The following ARHGAP15 variants were observed in gnomAD, a reference collection of about 807,000 sequenced individuals.
ARHGAP15 encodes Rho GTPase activating protein 15.
Under a neutral mutation model 63.7 loss-of-function variants are expected in ARHGAP15, and 51 were observed. That is an observed-to-expected ratio of 0.80 (90% CI 0.64 to 1.01). The LOEUF is 1.01. Among genes scored for constraint, ARHGAP15 ranks in the 50% least tolerant of loss-of-function variants. The pLI is 0.00. For synonymous variants in ARHGAP15, 191 were observed against 193.8 expected (o/e 0.99, Z 0.12); for missense variants, 560 against 564.6 (o/e 0.99, Z 0.08).
chr2:143,424,031 G>A (rs1026043599), intron 6 of ARHGAP15, among the ~76,000 whole-genome samples: 13 of 152,086 alleles, frequency 8.5e-5, no homozygotes, highest in African/African-American at 2.7e-4. Flanking sequence ...CTTTTAAGTG[G>A]CATGTGACAG....
At chr2:143,294,219 G>A (rs969593505) in intron 6 of ARHGAP15, among the ~76,000 whole-genome samples, 4 of 151,968 alleles carry the variant, frequency 2.6e-5, no homozygotes, top group African/African-American at 7.2e-5. Flanking sequence ...TTATGCAAGC[G>A]TAACCTAATG....
chr2:143,456,627 ATGTT>A (rs1170128326), intron 8 of ARHGAP15, among the ~76,000 whole-genome samples: 1 of 151,870 alleles, frequency 6.6e-6, no homozygotes, highest in Non-Finnish European at 1.5e-5. Context: ...AGACAGTTAT[ATGTT>A]AATAATTTTA....
At chr2:143,631,495 A>C (rs2731563) in intron 12 of ARHGAP15, among the ~76,000 whole-genome samples, 29,909 of 152,010 alleles carry the variant, frequency 0.2, 3,095 homozygotes, top group South Asian at 0.26. Context: ...TGGTGTGGTC[A>C]GTGTTTTTAA....
intron 12 of ARHGAP15, among the ~76,000 whole-genome samples, chr2:143,662,241 C>T (rs911163655): frequency 1.3e-5 from 2 of 151,896 alleles, no homozygotes; most frequent in Admixed American, 6.6e-5. Flanking sequence ...ACTGCCTCCT[C>T]AAGTGGGTCC....
At chr2:143,528,166 T>C (rs994069700) in intron 10 of ARHGAP15, among the ~76,000 whole-genome samples, 1 of 152,112 alleles carries the variant, frequency 6.6e-6, no homozygotes, top group African/African-American at 2.4e-5. Flanking sequence ...TTAGGCATTG[T>C]TTCAATTCCA....
chr2:143,171,921 C>A (rs1458028683), intron 2 of ARHGAP15: 1 of 152,046 alleles, frequency 6.6e-6, no homozygotes, highest in Non-Finnish European at 1.5e-5. Flanking sequence ...AACACATTAT[C>A]AAAGACACAG....
At chr2:143,362,190 C>A (rs1686088991) in intron 6 of ARHGAP15, among the ~76,000 whole-genome samples, 1 of 152,084 alleles carries the variant, frequency 6.6e-6, no homozygotes, top group African/African-American at 2.4e-5. Flanking sequence ...CCTATAATAC[C>A]CTGAATTATC....
intron 6 of ARHGAP15, among the ~76,000 whole-genome samples, chr2:143,287,817 G>GA: frequency 6.6e-6 from 1 of 152,086 alleles, no homozygotes; most frequent in Non-Finnish European, 1.5e-5. Context: ...AAAAGAAAAA[G>GA]AAAAAAAGAA....
At chr2:143,299,055 C>G (rs933949057) in intron 6 of ARHGAP15, among the ~76,000 whole-genome samples, 1 of 151,856 alleles carries the variant, frequency 6.6e-6, no homozygotes, top group African/African-American at 2.4e-5. Context: ...GTTTCCAGCA[C>G]TGGGTCCTTC....
chr2:143,513,876 C>T (rs1341332742), intron 9 of ARHGAP15, among the ~76,000 whole-genome samples: 1 of 152,150 alleles, frequency 6.6e-6, no homozygotes, highest in Non-Finnish European at 1.5e-5. Context: ...TCCCCATCCT[C>T]CCTCCCCCAA....
At chr2:143,166,292 T>A (rs1230490811) in intron 2 of ARHGAP15, among the ~76,000 whole-genome samples, 1 of 152,154 alleles carries the variant, frequency 6.6e-6, no homozygotes, top group Non-Finnish European at 1.5e-5. Context: ...TCTGCATTAA[T>A]AATTCCTGCT....
intron 6 of ARHGAP15, among the ~76,000 whole-genome samples, chr2:143,420,260 A>C (rs1688861932): frequency 6.6e-6 from 1 of 152,142 alleles, no homozygotes; most frequent in Non-Finnish European, 1.5e-5. Context: ...TTGAGCCTGC[A>C]AATTTTGGAA....
At chr2:143,700,842 T>C (rs1684055565) in intron 12 of ARHGAP15, among the ~76,000 whole-genome samples, 1 of 152,194 alleles carries the variant, frequency 6.6e-6, no homozygotes, top group Admixed American at 6.5e-5. Flanking sequence ...CATTAACTTG[T>C]ACTTTTTTTC....
chr2:143,681,166 A>C (rs568033122), intron 12 of ARHGAP15, among the ~76,000 whole-genome samples: 15 of 152,278 alleles, frequency 9.9e-5, no homozygotes, highest in African/African-American at 3.6e-4. Flanking sequence ...ACAAGCTGCT[A>C]CCTCATTGTG....
At chr2:143,341,323 C>T (rs1685048818) in intron 6 of ARHGAP15, among the ~76,000 whole-genome samples, 1 of 152,110 alleles carries the variant, frequency 6.6e-6, no homozygotes, top group African/African-American at 2.4e-5. Context: ...TGAGATCTTT[C>T]ACATTATCCA....
intron 12 of ARHGAP15, among the ~76,000 whole-genome samples, chr2:143,696,242 A>T (rs1382823763): frequency 1.3e-5 from 2 of 152,034 alleles, no homozygotes; most frequent in Non-Finnish European, 2.9e-5. Context: ...AACATCTATT[A>T]TGACACCTTT....
intron 10 of ARHGAP15, among the ~76,000 whole-genome samples, chr2:143,538,528 G>C (rs978084192): frequency 1.5e-4 from 23 of 152,156 alleles, no homozygotes; most frequent in Non-Finnish European, 3.2e-4. Context: ...GTGATAGATA[G>C]CTCTTATTAT....
chr2:143,403,812 G>A (rs1688086009), intron 6 of ARHGAP15, among the ~76,000 whole-genome samples: 1 of 151,664 alleles, frequency 6.6e-6, no homozygotes, highest in Admixed American at 6.6e-5. Context: ...CCCTTTGATT[G>A]TTGAGTTTCT....
intron 11 of ARHGAP15, among the ~76,000 whole-genome samples, chr2:143,614,838 G>C (rs1187084030): frequency 6.6e-6 from 1 of 152,180 alleles, no homozygotes; most frequent in Non-Finnish European, 1.5e-5. Flanking sequence ...ATGTAGGGAA[G>C]AGTCAAGATT....
Sources: gnomAD v4.1 joint callset for allele counts (sites outside exome capture counted in the v4.1 genomes callset) on GRCh38, gnomAD v4.1.1 for gene constraint, MANE v1.5 for transcripts, NCBI Gene and HGNC (gene_info 2026-07-23, HGNC 2026-07-21) for gene names.